Variants in RMST observed in about 807,000 individuals in gnomAD.
The protein encoded by RMST is rhabdomyosarcoma 2 associated transcript, also known as long intergenic non-protein coding RNA 54.
chr12:97,501,370 T>C (rs1418205711), intron 10 of RMST, among the ~76,000 whole-genome samples: 2 of 152,222 alleles, frequency 1.3e-5, no homozygotes, highest in African/African-American at 4.8e-5. Flanking sequence ...GGAATATGTA[T>C]TTGAAGGCCT....
At chr12:97,478,942 G>A (rs1174319193) in intron 5 of RMST, among the ~76,000 whole-genome samples, 1 of 152,012 alleles carries the variant, frequency 6.6e-6, no homozygotes, top group African/African-American at 2.4e-5. Context: ...TAGAGCTGTG[G>A]TCTGGGTTGG....
chr12:97,477,703 C>A (rs1272600249), intron 5 of RMST, among the ~76,000 whole-genome samples: 5 of 152,146 alleles, frequency 3.3e-5, no homozygotes, highest in Non-Finnish European at 7.4e-5. Flanking sequence ...ATACTTAATG[C>A]ATGGTTTTTC....
At chr12:97,513,288 T>G (rs551645649) in intron 10 of RMST, among the ~76,000 whole-genome samples, 35 of 152,382 alleles carry the variant, frequency 2.3e-4, no homozygotes, top group African/African-American at 7.5e-4. Context: ...ACTGCCAGCA[T>G]GCTGTCACCT....
chr12:97,555,953 C>T (rs772290660), intron 11 of RMST, among the ~76,000 whole-genome samples: 6 of 152,318 alleles, frequency 3.9e-5, no homozygotes, highest in Non-Finnish European at 5.9e-5. Flanking sequence ...AGCATCCATT[C>T]GGCACAGAAA....
chr12:97,563,592 G>A, intron 13 of RMST: 1 of 337,200 alleles, frequency 3.0e-6, no homozygotes, highest in Non-Finnish European at 5.8e-6. Context: ...GAATTCAATG[G>A]CTGAATGTTG....
chr12:97,540,717 A>G (rs1183801817), intron 11 of RMST, among the ~76,000 whole-genome samples: 2 of 151,724 alleles, frequency 1.3e-5, no homozygotes, highest in Non-Finnish European at 3.0e-5. Context: ...TATATAATGT[A>G]TATAAATGCC....
chr12:97,474,025 C>A (rs1390493114), intron 5 of RMST, among the ~76,000 whole-genome samples: 1 of 151,910 alleles, frequency 6.6e-6, no homozygotes, highest in Non-Finnish European at 1.5e-5. Context: ...GAAGAATTGG[C>A]TAAAAAAATA....
chr12:97,506,718 C>G (rs981521265), intron 10 of RMST, among the ~76,000 whole-genome samples: 2 of 118,128 alleles, frequency 1.7e-5, no homozygotes, highest in East Asian at 5.3e-4. Flanking sequence ...TAGTCTTGCT[C>G]TGTCACCCAG....
At chr12:97,544,172 T>C (rs2136630841) in intron 11 of RMST, among the ~76,000 whole-genome samples, 1 of 152,196 alleles carries the variant, frequency 6.6e-6, no homozygotes, top group South Asian at 2.1e-4. Flanking sequence ...CCAAAGCATA[T>C]TGTCAAACTA....
intron 10 of RMST, among the ~76,000 whole-genome samples, chr12:97,525,876 C>T (rs193162069): frequency 7.8e-4 from 119 of 152,210 alleles, no homozygotes; most frequent in Admixed American, 1.2e-3. Context: ...TGCATTACAA[C>T]CTGAGCTTCG....
intron 10 of RMST, among the ~76,000 whole-genome samples, chr12:97,498,191 A>G (rs1441933032): frequency 6.6e-6 from 1 of 152,046 alleles, no homozygotes; most frequent in Non-Finnish European, 1.5e-5. Flanking sequence ...TTATTTTACT[A>G]TTTTTTAAAG....
intron 10 of RMST, among the ~76,000 whole-genome samples, chr12:97,527,209 G>T (rs574753214): frequency 1.3e-5 from 2 of 151,740 alleles, no homozygotes; most frequent in East Asian, 3.9e-4. Context: ...AGTTGGTGGG[G>T]CACAAAGATA....
At chr12:97,468,078 T>G (rs1873410887) in intron 5 of RMST, among the ~76,000 whole-genome samples, 1 of 152,022 alleles carries the variant, frequency 6.6e-6, no homozygotes, top group African/African-American at 2.4e-5. Context: ...AAAATATCAC[T>G]CTGAGTTACT....
chr12:97,482,292 T>C (rs1032128109), intron 5 of RMST, among the ~76,000 whole-genome samples: 3 of 152,212 alleles, frequency 2.0e-5, no homozygotes, highest in East Asian at 1.9e-4. Flanking sequence ...TCTTCTCTTC[T>C]GTGGTAGCTC....
intron 5 of RMST, among the ~76,000 whole-genome samples, chr12:97,467,083 T>A (rs1476374451): frequency 2.6e-5 from 4 of 152,008 alleles, no homozygotes; most frequent in African/African-American, 9.7e-5. Flanking sequence ...CTTTGCTTGG[T>A]TTTACTTTGT....
At chr12:97,485,806 G>T (rs1221364066) in intron 5 of RMST, among the ~76,000 whole-genome samples, 1 of 152,194 alleles carries the variant, frequency 6.6e-6, no homozygotes, top group Admixed American at 6.5e-5. Context: ...TTGGAAACTA[G>T]TCTCTCAGCA....
At chr12:97,509,746 G>A (rs940755025) in intron 10 of RMST, among the ~76,000 whole-genome samples, 2 of 152,172 alleles carry the variant, frequency 1.3e-5, no homozygotes, top group Non-Finnish European at 2.9e-5. Flanking sequence ...ATTGATGGAG[G>A]TGCCCCTCTG....
At position 97,490,482 on chromosome 12, in the gene RMST, G is replaced by A. The variant is rs796575550; in HGVS notation, n.645-1979G>A. ...GGGCTAATAGCATCTATCTTACAGG[G>A]TTGTTGGGGGATTAAATGAGTTTCT... On this transcript the variant is annotated intron_variant and non_coding_transcript_variant, in intron 5 of 13. Coordinates refer to ENST00000640149, the Ensembl canonical transcript of RMST. Among the ~76,000 whole-genome samples the A allele has an allele frequency of 6.2e-4, 94 of 152,252 alleles. 1 individual carries two copies. Among genetic ancestry groups the A allele is most frequent in the African/African-American group, 2.0e-3 (82 of 41,558 alleles).
chr12:97,511,306 A>G (rs1266563831), intron 10 of RMST, among the ~76,000 whole-genome samples: 1 of 151,888 alleles, frequency 6.6e-6, no homozygotes, highest in African/African-American at 2.4e-5. Flanking sequence ...GTGCCACTAC[A>G]TGCTGCTGAT....
Sources: allele counts gnomAD v4.1 joint callset (sites outside exome capture counted in the v4.1 genomes callset), GRCh38; gene constraint gnomAD v4.1.1; transcripts MANE v1.5; gene names NCBI Gene and HGNC (gene_info 2026-07-23, HGNC 2026-07-21).